Variants in SRP54 observed in about 807,000 individuals in gnomAD.
SRP54 encodes signal recognition particle subunit SRP54.
A neutral mutation model predicts 64.8 loss-of-function variants in SRP54; 10 were observed. The ratio of observed to expected loss-of-function variants is 0.15; its 90% confidence interval spans 0.10 to 0.26. The LOEUF (loss-of-function observed/expected upper bound fraction) is 0.26. SRP54 is among the 10% of genes least tolerant of loss of function. The pLI is 1.00. For missense variants in SRP54, 325 were observed against 613.7 expected (o/e 0.53, Z 4.97); for synonymous variants, 193 against 185.6 (o/e 1.04, Z -0.32).
chr14:35,012,142 G>T (rs1423983111), intron 8 of SRP54, among the ~76,000 whole-genome samples: 2 of 151,278 alleles, frequency 1.3e-5, no homozygotes, highest in Non-Finnish European at 2.9e-5. Context: ...CTTGAACCCG[G>T]GAGGCAGAGG....
intron 4 of SRP54, among the ~76,000 whole-genome samples, chr14:35,004,089 A>T (rs1384734116): frequency 1.3e-5 from 2 of 151,870 alleles, no homozygotes; most frequent in Non-Finnish European, 2.9e-5. Flanking sequence ...TACTAAATAA[A>T]AAAAAAAAAA....
chr14:35,016,208 T>C (rs1566653637), intron 11 of SRP54, among the ~76,000 whole-genome samples: 1 of 152,208 alleles, frequency 6.6e-6, no homozygotes, highest in Non-Finnish European at 1.5e-5. Context: ...TCCTGTACTC[T>C]TCCCCTTTGA....
chr14:35,018,110 TAAAG>T (rs1264992334), intron 11 of SRP54, among the ~76,000 whole-genome samples: 8 of 152,220 alleles, frequency 5.3e-5, no homozygotes, highest in Non-Finnish European at 7.3e-5. Context: ...CTTAAAAAAA[TAAAG>T]AAATTCTGAG....
chr14:35,020,628 T>C (rs1454026181), intron 13 of SRP54, among the ~76,000 whole-genome samples: 2 of 152,218 alleles, frequency 1.3e-5, no homozygotes, highest in Non-Finnish European at 2.9e-5. Flanking sequence ...CAGGTTTTCA[T>C]AGTAGCCCAA....
intron 1 of SRP54, among the ~76,000 whole-genome samples, chr14:34,991,901 C>G (rs1566642020): frequency 6.6e-6 from 1 of 152,150 alleles, no homozygotes; most frequent in Non-Finnish European, 1.5e-5. Context: ...GATGTTCTTA[C>G]TCCTCTACTG....
chr14:34,991,183 G>A lies in SRP54; in HGVS notation c.-33-5494G>A, dbSNP rs139894682. 5.4e-3 allele frequency among the ~76,000 whole-genome samples: 796 copies of A among 147,896 alleles called. 5 individuals are homozygous for A. Among genetic ancestry groups the A allele is most frequent in the Middle Eastern group, 0.021 (6 of 290 alleles). ...TTTGCTCTTTCACCCAGGCTGGAGT[G>A]CAGTGGCACGATCTGGGCTCACTGT... On this transcript the variant is annotated intron_variant, in intron 1 of 15. Transcript: ENST00000216774.
intron 10 of SRP54, 46 bp from the exon 11 acceptor site, chr14:35,014,698 C>T: frequency 6.5e-6 from 9 of 1,386,726 alleles, no homozygotes; most frequent in Non-Finnish European, 9.2e-6. Context: ...TAATGTGAAG[C>T]AGGGTATAGT....
chr14:35,011,487 A>T, intron 7 of SRP54, 22 bp from the exon 8 acceptor site: 4 of 1,399,158 alleles, frequency 2.9e-6, no homozygotes, highest in Non-Finnish European at 3.8e-6. Flanking sequence ...GTTTTGTTAA[A>T]TCATTTGTCC....
At chr14:35,014,921 C>T (rs1489310320) in intron 11 of SRP54, 91 bp downstream of exon 11, 1 of 888,980 alleles carries the variant, frequency 1.1e-6, no homozygotes, top group Non-Finnish European at 1.7e-6. Context: ...AATGTAATAT[C>T]TGTTAGAGTC....
chr14:35,014,915 T>C, intron 11 of SRP54, 85 bp downstream of exon 11: 1 of 965,028 alleles, frequency 1.0e-6, no homozygotes, highest in Non-Finnish European at 1.6e-6. Flanking sequence ...ATTTGAAATG[T>C]AATATCTGTT....
chr14:35,025,154 CTT>C (rs1566657536), intron 14 of SRP54, among the ~76,000 whole-genome samples: 1 of 152,088 alleles, frequency 6.6e-6, no homozygotes, highest in Non-Finnish European at 1.5e-5. Context: ...TTCCAGTCCT[CTT>C]TTTGATTTTT....
intron 2 of SRP54, among the ~76,000 whole-genome samples, chr14:34,998,993 GT>G (rs1566645496): frequency 3.2e-5 from 3 of 93,194 alleles, no homozygotes; most frequent in African/African-American, 1.0e-4. Context: ...GTGTGTGTGT[GT>G]GTGTGTGTGT....
intron 5 of SRP54, 43 bp downstream of exon 5, chr14:35,007,430 G>T (rs768645781): frequency 1.8e-5 from 23 of 1,293,074 alleles, no homozygotes; most frequent in Non-Finnish European, 2.3e-5. Context: ...TGGAAGATAG[G>T]TTTGTATAAA....
chr14:34,984,979 C>T (rs1021113995), intron 1 of SRP54, among the ~76,000 whole-genome samples: 1 of 149,202 alleles, frequency 6.7e-6, no homozygotes, highest in Admixed American at 6.7e-5. Flanking sequence ...ATTGTCAGTG[C>T]GTTTTTGAGT....
In SRP54 at chr14:35,023,098, G is replaced by C; in HGVS notation, c.1327+18G>C. The C allele has an allele frequency of 9.5e-7, 1 of 1,047,790 alleles. No individual in the cohort carries two copies. The highest frequency in any genetic ancestry group is 1.3e-6 in the Non-Finnish European group (1 of 768,028). 64.9% of individuals were successfully genotyped at this position (1,047,790 alleles called of 1,614,324 possible). A position where few individuals can be genotyped will look rare whatever the true frequency, so the allele number is the denominator to read the frequency against. The stretch of plus-strand genomic sequence containing the variant: ...TTTCAAAGGTAAGAAAAATAAGCTT[G>C]TTATTAGTTAACAGACGGAAAAGAA... On this transcript the variant is annotated intron_variant, in intron 14 of 15. Transcript: ENST00000216774.
At chr14:35,002,332 G>A (rs1217639430) in intron 4 of SRP54, among the ~76,000 whole-genome samples, 1 of 152,036 alleles carries the variant, frequency 6.6e-6, no homozygotes, top group Non-Finnish European at 1.5e-5. Flanking sequence ...CCCGACTGGG[G>A]GAGAGGGTGA....
chr14:35,013,933 C>A, intron 10 of SRP54, 31 bp downstream of exon 10: 1 of 1,449,334 alleles, frequency 6.9e-7, no homozygotes, highest in Non-Finnish European at 9.6e-7. Flanking sequence ...ATAGAAAAAT[C>A]TCCAAGAAAT....
Position 35,011,787 on chromosome 14 carries a change from T to C in SRP54, c.636+128T>C, listed in dbSNP as rs544566693. The C allele has an allele frequency of 3.6e-4, 287 of 799,648 alleles. 1 individual carries two copies. The African/African-American group carries it at 3.9e-3, about 11-fold the overall frequency. The allele number at this position is 799,648 out of a possible 1,614,324, so 49.5% of individuals were successfully genotyped here. On this transcript the variant is annotated intron_variant, in intron 8 of 15. Coordinates refer to ENST00000216774, the MANE Select transcript of SRP54 (RefSeq NM_003136.4). ...GCAGATCCCCAGTAATTTATTTTTG[T>C]TTTGGGCACCTATATCTATGTGGTA...
At chr14:34,988,844 C>G (rs1265801951) in intron 1 of SRP54, among the ~76,000 whole-genome samples, 1 of 151,730 alleles carries the variant, frequency 6.6e-6, no homozygotes, top group Non-Finnish European at 1.5e-5. Flanking sequence ...AGAGGATGCT[C>G]AAGTCCCTGA....
Sources: allele counts gnomAD v4.1 joint callset (sites outside exome capture counted in the v4.1 genomes callset), GRCh38; gene constraint gnomAD v4.1.1; transcripts MANE v1.5; gene names NCBI Gene and HGNC (gene_info 2026-07-23, HGNC 2026-07-21).